OPCML: variants seen among roughly 807,000 people sequenced by gnomAD.
The protein encoded by OPCML is opioid-binding protein/cell adhesion molecule.
Under a neutral mutation model 37.8 loss-of-function variants are expected in OPCML, and 13 were observed. The ratio of observed to expected loss-of-function variants is 0.34; its 90% CI spans 0.22 to 0.55. OPCML has a LOEUF of 0.55. Among genes scored for constraint, OPCML ranks in the 20% least tolerant of loss-of-function variants. The probability of loss-of-function intolerance (pLI) is 0.91; values close to 1 mark genes in which losing one functional copy is unlikely to be tolerated. For missense variants in OPCML, 341 were observed against 435.6 expected, an observed-to-expected ratio of 0.78 and a Z score of 1.93; for synonymous variants, 176 against 168.8, an observed-to-expected ratio of 1.04 and a Z score of -0.33.
At chr11:133,521,086 A>T (rs962981616) in intron 1 of OPCML, among the ~76,000 whole-genome samples, 14 of 152,192 alleles carry the variant, frequency 9.2e-5, no homozygotes, top group Admixed American at 9.2e-4. Flanking sequence ...ATGCCCAGAC[A>T]AGGGTCGCCT....
At chr11:133,146,206 G>C (rs967049991) in intron 1 of OPCML, among the ~76,000 whole-genome samples, 13 of 152,058 alleles carry the variant, frequency 8.5e-5, no homozygotes, top group African/African-American at 3.1e-4. Flanking sequence ...TCTTGATAAG[G>C]ACACAGGGAT....
At chr11:132,900,601 CT>C (rs1239968219) in intron 2 of OPCML, among the ~76,000 whole-genome samples, 1 of 152,208 alleles carries the variant, frequency 6.6e-6, no homozygotes, top group Non-Finnish European at 1.5e-5. Context: ...AGAAATGAAG[CT>C]CCTAAATGTG....
At chr11:132,929,525 G>A (rs139904920) in intron 2 of OPCML, among the ~76,000 whole-genome samples, 1,741 of 152,182 alleles carry the variant, frequency 0.011, 44 homozygotes, top group African/African-American at 0.04. Flanking sequence ...TTCAAGAGGA[G>A]AGAACACTTC....
At chr11:132,733,213 A>C (rs1009950254) in intron 2 of OPCML, among the ~76,000 whole-genome samples, 1 of 152,150 alleles carries the variant, frequency 6.6e-6, no homozygotes, top group Non-Finnish European at 1.5e-5. Context: ...GATTTCCTTG[A>C]GAATGATAGT....
rs79138644 is a variant in OPCML at position 133,206,836 on chromosome 11, A to T, written c.62-263826T>A. Among the ~76,000 whole-genome samples the T allele has an allele frequency of 2.0e-3, 298 of 152,264 alleles. 4 individuals carry two copies. In the East Asian group the frequency reaches 0.036, roughly 18 times the overall value. ...CACGCTTACCCTCCACACTCTCACG[A>T]TGTCCACACAGCTACGGTGACCTAT... On this transcript the variant is annotated intron_variant, in intron 1 of 7. Transcript: ENST00000524381. This position sits in a 1 kb window ranked among gnomAD's most constrained non-coding sequence, Gnocchi z 4.7.
chr11:132,564,144 T>C (rs7937193), intron 3 of OPCML, among the ~76,000 whole-genome samples: 1 of 152,054 alleles, frequency 6.6e-6, no homozygotes, highest in Admixed American at 6.5e-5. Flanking sequence ...CCGATTGATC[T>C]TGAGTCTGGG....
At chr11:133,437,721 C>T (rs1246330476) in intron 1 of OPCML, among the ~76,000 whole-genome samples, 3 of 145,564 alleles carry the variant, frequency 2.1e-5, no homozygotes, top group Admixed American at 6.7e-5. Flanking sequence ...CTCTCAACCC[C>T]GCTCACCTCT....
intron 3 of OPCML, among the ~76,000 whole-genome samples, chr11:132,640,912 C>T (rs1180644382): frequency 2.0e-5 from 3 of 152,170 alleles, no homozygotes; most frequent in Non-Finnish European, 2.9e-5. Flanking sequence ...GGGCACACTG[C>T]ACCTCCTGGG....
chr11:132,432,140 A>G (rs2095999184), intron 7 of OPCML, among the ~76,000 whole-genome samples: 1 of 152,224 alleles, frequency 6.6e-6, no homozygotes, highest in African/African-American at 2.4e-5. Flanking sequence ...CTGATAAGCC[A>G]GGGTGTTTTG....
In OPCML at chr11:132,967,370, A is replaced by G. The variant is rs537075625; in HGVS notation, c.62-24360T>C. ...TTACAAACCAATAGTGCATTTTTAT[A>G]AGCTACTATTTAATTAATTATATGA... On this transcript the variant is annotated intron_variant, in intron 1 of 7. Transcript: ENST00000524381. 3.3e-5 allele frequency among the ~76,000 whole-genome samples: 5 copies of G among 152,200 alleles called. No individual in the cohort carries two copies. In the South Asian group the frequency reaches 1.0e-3, roughly 32 times the overall value.
At position 132,454,693 on chromosome 11, in the gene OPCML, A is replaced by G. The variant is rs149827847; in HGVS notation, c.506-17334T>C. Among the ~76,000 whole-genome samples, 42 of 152,318 alleles carry G rather than the reference A, an allele frequency of 2.8e-4. No homozygotes were observed. The East Asian group carries it at 7.9e-3, about 29-fold the overall frequency. On this transcript the variant is annotated intron_variant, in intron 4 of 7. Transcript: ENST00000524381. ...CTATTAAATTTTGCCCATTACAGAG[A>G]GGAGAGAAGGGCTGCCTTCAGATCC... is the stretch of plus-strand genomic sequence containing the variant.
chr11:132,639,884 C>T (rs1286186024), intron 3 of OPCML, among the ~76,000 whole-genome samples: 4 of 152,186 alleles, frequency 2.6e-5, no homozygotes, highest in African/African-American at 4.8e-5. Flanking sequence ...TGGCTGTCAT[C>T]GACAGTAGCT....
chr11:133,173,769 A>C lies in OPCML; in HGVS notation c.62-230759T>G, dbSNP rs778600173. Among the ~76,000 whole-genome samples the C allele has an allele frequency of 1.9e-4, 29 of 152,220 alleles. No individual in the cohort carries two copies. Among genetic ancestry groups the C allele is most frequent in the Admixed American group, 1.9e-3 (29 of 15,286 alleles). ...GCATAAGTAAAGAAAAAATAGAATT[A>C]CGTTTTTCTCTTTTTCCCCATCCCA... On this transcript the variant is annotated intron_variant, in intron 1 of 7. Coordinates refer to ENST00000524381, the MANE Select transcript of OPCML (RefSeq NM_001012393.5). The surrounding 1 kb of genome is among the most constrained non-coding windows in gnomAD (Gnocchi z 7.8).
At chr11:133,341,981 G>A (rs1272413889) in intron 1 of OPCML, among the ~76,000 whole-genome samples, 1 of 151,882 alleles carries the variant, frequency 6.6e-6, no homozygotes, top group Admixed American at 6.6e-5. Context: ...TAATAACATC[G>A]AGCCTGAAGG....
At chr11:132,731,545 A>G (rs1221801610) in intron 2 of OPCML, among the ~76,000 whole-genome samples, 2 of 152,216 alleles carry the variant, frequency 1.3e-5, no homozygotes, top group Non-Finnish European at 2.9e-5. Flanking sequence ...AAATTGGCAC[A>G]TTTATATAAT....
chr11:132,688,379 G>A (rs1357075200), intron 2 of OPCML, among the ~76,000 whole-genome samples: 1 of 152,118 alleles, frequency 6.6e-6, no homozygotes, highest in Non-Finnish European at 1.5e-5. Context: ...CCGTAATCTA[G>A]TCCTGACCGA....
intron 1 of OPCML, among the ~76,000 whole-genome samples, chr11:133,218,773 A>G (rs1293866422): frequency 6.6e-6 from 1 of 152,142 alleles, no homozygotes; most frequent in Non-Finnish European, 1.5e-5. Flanking sequence ...GATTTGATAG[A>G]GTGAGAACCC....
chr11:132,759,874 T>G (rs963222611), intron 2 of OPCML, among the ~76,000 whole-genome samples: 3 of 152,184 alleles, frequency 2.0e-5, no homozygotes, highest in Admixed American at 6.5e-5. Flanking sequence ...TCCCTAGTTC[T>G]TTTAATTGTG....
intron 1 of OPCML, among the ~76,000 whole-genome samples, chr11:133,204,880 A>ATATATATATATGTG (rs1938978756): frequency 7.6e-5 from 2 of 26,340 alleles, no homozygotes; most frequent in South Asian, 9.3e-4. Context: ...ATATATATAT[A>ATATATATATATGTG]TATATATATA....
Sources: allele counts gnomAD v4.1 joint callset (sites outside exome capture counted in the v4.1 genomes callset), GRCh38; gene constraint gnomAD v4.1.1; non-coding constraint Gnocchi (gnomAD v3.1); transcripts MANE v1.5; gene names NCBI Gene and HGNC (gene_info 2026-07-23, HGNC 2026-07-21).